DSCAM: variants seen among roughly 807,000 people sequenced by gnomAD.
The protein encoded by DSCAM is cell adhesion molecule DSCAM.
A neutral mutation model predicts 217.7 loss-of-function variants in DSCAM; 47 were observed. That is an observed-to-expected ratio of 0.22 (90% CI 0.17 to 0.28). The LOEUF (loss-of-function observed/expected upper bound fraction) is 0.28, where lower values mean the gene tolerates loss of function less well. Ranked by LOEUF, DSCAM falls within the 10% of genes least tolerant of loss-of-function variation. The probability of loss-of-function intolerance (pLI) is 1.00; values close to 1 mark genes in which losing one functional copy is unlikely to be tolerated. For missense variants in DSCAM, 2,080 were observed against 2,618.3 expected (o/e 0.79, Z 4.49); for synonymous variants, 1,056 against 1,015.3 (o/e 1.04, Z -0.76).
intron 11 of DSCAM, among the ~76,000 whole-genome samples, chr21:40,252,033 G>C (rs543130230): frequency 1.8e-4 from 27 of 152,226 alleles, no homozygotes; most frequent in Middle Eastern, 6.8e-3. Flanking sequence ...ATCCCCACTT[G>C]AGCCTTCAGA....
chr21:40,480,083 C>A lies in DSCAM; in HGVS notation c.509-110838G>T, dbSNP rs1250469121. Among the ~76,000 whole-genome samples, 5 of 152,138 alleles carry A rather than the reference C, an allele frequency of 3.3e-5. No individual in the cohort carries two copies. In the East Asian group the frequency reaches 9.6e-4, roughly 29 times the overall value. On this transcript the variant is annotated intron_variant, in intron 3 of 32. Transcript: ENST00000400454. ...TCAGCTGTGACAGAAACTGCCTGCA[C>A]CCAACATTAAGAAACAAGAACGCCA...
At chr21:40,802,503 T>G (rs555214038) in intron 1 of DSCAM, among the ~76,000 whole-genome samples, 1 of 152,178 alleles carries the variant, frequency 6.6e-6, no homozygotes, top group Non-Finnish European at 1.5e-5. Context: ...GCCTATGATA[T>G]CAATGTTTAC....
chr21:40,297,051 C>T lies in DSCAM; in HGVS notation c.2063-877G>A, dbSNP rs186786362. Among the ~76,000 whole-genome samples, 100 of 152,178 alleles carry T rather than the reference C, an allele frequency of 6.6e-4. No individual in the cohort carries two copies. The South Asian group carries it at 9.8e-3, about 15-fold the overall frequency. On this transcript the variant is annotated intron_variant, in intron 9 of 32. Coordinates refer to ENST00000400454, the MANE Select transcript of DSCAM (RefSeq NM_001389.5). ...TTTTCCCAAAATTCTGGTGAGAACA[C>T]ATAGTCCGTTATGCCAGATGTCAGC...
At chr21:40,489,118 G>A (rs1473777172) in intron 3 of DSCAM, among the ~76,000 whole-genome samples, 4 of 152,188 alleles carry the variant, frequency 2.6e-5, no homozygotes, top group African/African-American at 9.6e-5. Context: ...GCCACAGGGG[G>A]CCCAGGCATT....
At chr21:40,548,056 G>A (rs1044144136) in intron 3 of DSCAM, among the ~76,000 whole-genome samples, 2 of 152,188 alleles carry the variant, frequency 1.3e-5, no homozygotes, top group African/African-American at 4.8e-5. Context: ...GAGGAGCGGG[G>A]AGAGAGCCGG....
intron 11 of DSCAM, among the ~76,000 whole-genome samples, chr21:40,245,226 C>T (rs1305278566): frequency 6.6e-6 from 1 of 152,154 alleles, no homozygotes; most frequent in Non-Finnish European, 1.5e-5. Flanking sequence ...AGGTGCAAGT[C>T]CTTAAATCAA....
At chr21:40,806,940 T>A (rs2091793153) in intron 1 of DSCAM, among the ~76,000 whole-genome samples, 1 of 151,528 alleles carries the variant, frequency 6.6e-6, no homozygotes, top group African/African-American at 2.4e-5. Flanking sequence ...GAGGGGAACA[T>A]CACACACCGG....
intron 3 of DSCAM, among the ~76,000 whole-genome samples, chr21:40,445,796 T>G (rs1054558054): frequency 2.6e-5 from 4 of 152,228 alleles, no homozygotes; most frequent in African/African-American, 9.6e-5. Context: ...ACTAAGACTA[T>G]ATAAAACATG....
Position 40,741,351 on chromosome 21 carries a change from G to A in DSCAM, c.44-32580C>T, listed in dbSNP as rs562827445. On this transcript the variant is annotated intron_variant, in intron 1 of 32. Coordinates refer to ENST00000400454, the MANE Select transcript of DSCAM (RefSeq NM_001389.5). ...TGCTTAATATCTTTCATATTCACAT[G>A]TTAATAAAACATGTGAATGCACATG... Among the ~76,000 whole-genome samples, 20 of 152,294 alleles carry A rather than the reference G, an allele frequency of 1.3e-4. No individual in the cohort carries two copies. In the South Asian group the frequency reaches 4.1e-3, roughly 32 times the overall value.
At chr21:40,559,106 A>T (rs2076695362) in intron 3 of DSCAM, among the ~76,000 whole-genome samples, 1 of 152,228 alleles carries the variant, frequency 6.6e-6, no homozygotes, top group Non-Finnish European at 1.5e-5. Context: ...CAATGATACA[A>T]TCCAATGCAA....
chr21:40,214,893 A>G (rs541504417), intron 11 of DSCAM, among the ~76,000 whole-genome samples: 2 of 152,258 alleles, frequency 1.3e-5, no homozygotes, highest in African/African-American at 4.8e-5. Context: ...CAGTATATCA[A>G]AAAGACACCT....
At chr21:40,678,429 G>T (rs1041386956) in intron 3 of DSCAM, among the ~76,000 whole-genome samples, 1 of 152,116 alleles carries the variant, frequency 6.6e-6, no homozygotes, top group Non-Finnish European at 1.5e-5. Context: ...TCACATCTGG[G>T]TGCTTTCTTC....
chr21:40,548,926 C>T (rs977377720), intron 3 of DSCAM, among the ~76,000 whole-genome samples: 4 of 152,142 alleles, frequency 2.6e-5, no homozygotes, highest in African/African-American at 2.4e-5. Context: ...AAAACAAGGC[C>T]GGGCACGGTG....
At chr21:40,790,876 T>C (rs2091636395) in intron 1 of DSCAM, among the ~76,000 whole-genome samples, 1 of 152,062 alleles carries the variant, frequency 6.6e-6, no homozygotes, top group African/African-American at 2.4e-5. Context: ...AAGGTCTTCA[T>C]AGAAAAATAC....
rs377022726 is a variant in DSCAM, at chr21:40,353,584, T to C, written c.815A>G (p.Gln272Arg). The change falls in exon 5 of 33, where the codon CAG becomes CGG. Residue 272 changes from glutamine (Q) to arginine (R), a missense_variant. By Grantham distance (43) the Gln-to-Arg change is conservative. Transcript: ENST00000400454. ...NMPLELSGRFQKTVTGLLIEN... is the reference protein window; with the variant it reads ...NMPLELSGRFRKTVTGLLIEN... ...AATGAGCAGCCCCGTCACGGTCTTC[T>C]GGAACCTCCCTGAAAGTTCCAGGGG... 28 of 1,610,480 alleles carry C rather than the reference T, an allele frequency of 1.7e-5. No individual in the cohort carries two copies. The highest frequency in any genetic ancestry group is 2.2e-5 in the Non-Finnish European group (26 of 1,179,192).
intron 32 of DSCAM, among the ~76,000 whole-genome samples, chr21:40,037,766 A>G (rs1371319665): frequency 6.9e-6 from 1 of 144,002 alleles, no homozygotes; most frequent in Non-Finnish European, 1.5e-5. Context: ...ACTTCAAACT[A>G]TACTACAAGG....
intron 1 of DSCAM, among the ~76,000 whole-genome samples, chr21:40,832,836 C>T (rs1483799364): frequency 6.6e-6 from 1 of 152,140 alleles, no homozygotes. Context: ...GACAACACCA[C>T]CATCGATATT....
rs2090741772 is a variant in DSCAM, at chr21:40,708,510, CAAT to C, written c.302_304del (p.Tyr101del). 1.3e-6 allele frequency: 2 copies of C among 1,532,216 alleles called. No homozygotes were observed. Among genetic ancestry groups the C allele is most frequent in the South Asian group, 1.3e-5 (1 of 75,220 alleles). The allele number at this position is 1,532,216 out of a possible 1,614,324, so 94.9% of individuals were successfully genotyped here. On this transcript the variant is annotated inframe_deletion, in exon 2 of 33. Transcript: ENST00000400454. ...TTTCCCTGAAGGATTTTCAGCTGTG[CAAT>C]AATAAGTATTATCATGGATTAAGGT...
At chr21:40,845,945 G>A (rs559170598) in intron 1 of DSCAM, among the ~76,000 whole-genome samples, 2 of 151,330 alleles carry the variant, frequency 1.3e-5, no homozygotes, top group South Asian at 4.2e-4. Context: ...TGGGCATGAG[G>A]AAATGTATGC....
Sources: allele counts gnomAD v4.1 joint callset (sites outside exome capture counted in the v4.1 genomes callset), GRCh38; gene constraint gnomAD v4.1.1; transcripts MANE v1.5; gene names NCBI Gene and HGNC (gene_info 2026-07-23, HGNC 2026-07-21).